The following ALDH7A1 variants were observed in gnomAD, a reference collection of about 807,000 sequenced individuals.
ALDH7A1 encodes alpha-aminoadipic semialdehyde dehydrogenase.
In ALDH7A1, 63 loss-of-function variants were observed where a neutral mutation model predicts 79.9. The observed-to-expected ratio is 0.79, with a 90% CI of 0.64 to 0.97. The LOEUF is 0.97. Ranked by LOEUF, ALDH7A1 falls within the 50% of genes least tolerant of loss-of-function variation. ALDH7A1 has a pLI of 0.00. For missense variants in ALDH7A1, 627 were observed against 665.2 expected (o/e 0.94, Z 0.63); for synonymous variants, 240 against 231.2 (o/e 1.04, Z -0.34).
chr5:126,568,766 T>A (rs568894955), intron 8 of ALDH7A1: 1 of 240,412 alleles, frequency 4.2e-6, no homozygotes, highest in Non-Finnish European at 8.3e-6. Flanking sequence ...ACCCCATCTC[T>A]ATAAAAAATA....
chr5:126,568,479 TC>T, intron 8 of ALDH7A1, 123 bp from the exon 9 acceptor site: 1 of 865,112 alleles, frequency 1.2e-6, no homozygotes, highest in East Asian at 2.4e-5. Context: ...AGAAAGTCTG[TC>T]CCAGGGGAGC....
chr5:126,592,875 T>C (rs1581406306), intron 2 of ALDH7A1, 146 bp from the exon 3 acceptor site: 1 of 847,862 alleles, frequency 1.2e-6, no homozygotes, highest in Non-Finnish European at 1.9e-6. Context: ...CCACAGTCTA[T>C]ACTTCCAAAA....
At chr5:126,573,268 G>C (rs1750841720) in intron 7 of ALDH7A1, among the ~76,000 whole-genome samples, 1 of 151,616 alleles carries the variant, frequency 6.6e-6, no homozygotes, top group African/African-American at 2.4e-5. Context: ...TGTTTTTTAG[G>C]TTTATTTTTA....
rs60217601 is a variant in ALDH7A1 at position 126,543,964 on chromosome 5, CTTTTTTTTTTT to C, written c.*990_*1000del. ...GGTTGTATAAAAAAATCCAGATGCA[CTTTTTTTTTTT>C]TTTTTTTTTGTAGACAGGATCTCAC... On this transcript the variant is annotated 3_prime_UTR_variant, in exon 18 of 18. Coordinates refer to ENST00000409134, the MANE Select transcript of ALDH7A1 (RefSeq NM_001182.5). The C allele has an allele frequency of 8.2e-6, 1 of 122,062 alleles. No individual in the cohort carries two copies. Among genetic ancestry groups the C allele is most frequent in the East Asian group, 2.3e-4 (1 of 4,274 alleles). The allele number at this position is 122,062 out of a possible 1,614,324, so 7.6% of individuals were successfully genotyped here. A position where few individuals can be genotyped will look rare whatever the true frequency, so the allele number is the denominator to read the frequency against.
At chr5:126,590,344 T>A (rs1239446932) in intron 3 of ALDH7A1, among the ~76,000 whole-genome samples, 2 of 152,258 alleles carry the variant, frequency 1.3e-5, no homozygotes, top group Non-Finnish European at 2.9e-5. Flanking sequence ...CAAGTTTGCA[T>A]TTTTGATGTT....
chr5:126,587,505 C>A (rs549785094), intron 3 of ALDH7A1: 2 of 151,766 alleles, frequency 1.3e-5, no homozygotes, highest in South Asian at 4.2e-4. Flanking sequence ...GTGGCGGGCA[C>A]CTGTAATCCC....
In ALDH7A1 at chr5:126,592,251, G is replaced by A. The variant is rs141145216; in HGVS notation, c.312+413C>T. 9.7e-3 allele frequency: 1,977 copies of A among 203,008 alleles called. 35 individuals are homozygous for A. Among genetic ancestry groups the A allele is most frequent in the African/African-American group, 0.032 (1,350 of 42,182 alleles). 12.6% of individuals were successfully genotyped at this position (203,008 alleles called of 1,614,324 possible). ...GATCTGCTGTTGTTCTTTAAACCAG[G>A]AATGCTGACCTATTGCTGAGATACT... On this transcript the variant is annotated intron_variant, in intron 3 of 17. Coordinates refer to ENST00000409134, the MANE Select transcript of ALDH7A1 (RefSeq NM_001182.5).
At chr5:126,570,661 T>C (rs1040605631) in intron 8 of ALDH7A1, 121 bp downstream of exon 8, 30 of 950,734 alleles carry the variant, frequency 3.2e-5, no homozygotes, top group Non-Finnish European at 4.6e-5. Flanking sequence ...ATAATAATAA[T>C]GATTTCAAAA....
intron 14 of ALDH7A1, 99 bp from the exon 15 acceptor site, chr5:126,550,392 A>G: frequency 1.1e-6 from 1 of 902,200 alleles, no homozygotes; most frequent in Non-Finnish European, 1.8e-6. Context: ...GTATAATTTC[A>G]GTGTACAAAA....
intron 9 of ALDH7A1, among the ~76,000 whole-genome samples, chr5:126,565,932 A>G (rs1223225582): frequency 6.6e-6 from 1 of 152,222 alleles, no homozygotes; most frequent in Non-Finnish European, 1.5e-5. Flanking sequence ...ATTCTATTCC[A>G]TTGATTTTTA....
Position 126,595,184 on chromosome 5 carries a change from A to G in ALDH7A1, c.15T>C (p.Pro5=). Residue 5 remains proline (P), a synonymous_variant, in exon 1 of 18, where the codon CCT becomes CCC. Coordinates refer to ENST00000409134, the MANE Select transcript of ALDH7A1 (RefSeq NM_001182.5). The part of the protein sequence containing the change: MWRL[P]RALCVHAAKT... ...TTGCAGCGTGCACACACAGCGCGCG[A>G]GGAAGGCGCCACATACTGAGCCCGG... The G allele has an allele frequency of 1.9e-6, 3 of 1,552,374 alleles. No individual in the cohort carries two copies. Among genetic ancestry groups the G allele is most frequent in the Non-Finnish European group, 2.6e-6 (3 of 1,147,296 alleles).
chr5:126,558,266 G>C (rs1199026176), intron 11 of ALDH7A1, among the ~76,000 whole-genome samples: 4 of 149,212 alleles, frequency 2.7e-5, no homozygotes, highest in African/African-American at 7.4e-5. Flanking sequence ...GAAAATCAAA[G>C]TTGTAACACA....
chr5:126,569,684 A>C (rs1461318260), intron 8 of ALDH7A1: 1 of 152,240 alleles, frequency 6.6e-6, no homozygotes, highest in Non-Finnish European at 1.5e-5. Flanking sequence ...AGAATGCAAG[A>C]ATACAGTCAA....
At chr5:126,557,518 G>A (rs1361246397) in intron 11 of ALDH7A1, among the ~76,000 whole-genome samples, 1 of 151,620 alleles carries the variant, frequency 6.6e-6, no homozygotes, top group Non-Finnish European at 1.5e-5. Context: ...ACCTGGAGGT[G>A]GAGGTTACGG....
At chr5:126,583,850 C>T in intron 4 of ALDH7A1, 82 bp downstream of exon 4, 2 of 1,159,638 alleles carry the variant, frequency 1.7e-6, no homozygotes, top group South Asian at 2.7e-5. Context: ...AAAAAAAAAA[C>T]CTCACAATTT....
intron 7 of ALDH7A1, 101 bp from the exon 8 acceptor site, chr5:126,570,960 C>T (rs752333922): frequency 3.0e-5 from 34 of 1,117,856 alleles, no homozygotes; most frequent in Admixed American, 1.8e-4. Context: ...TCAACTTTCT[C>T]TCCCATCCCT....
intron 3 of ALDH7A1, chr5:126,588,372 AG>A (rs1038396806): frequency 7.3e-5 from 11 of 151,612 alleles, no homozygotes; most frequent in African/African-American, 2.7e-4. Flanking sequence ...CCGGCTACTC[AG>A]GAAGATGAGG....
chr5:126,550,251 C>T lies in ALDH7A1; in HGVS notation c.1360G>A (p.Gly454Arg). 6.2e-7 allele frequency: 1 copy of T among 1,613,604 alleles called. No individual in the cohort carries two copies. Among genetic ancestry groups the T allele is most frequent in the Non-Finnish European group, 8.5e-7 (1 of 1,179,912 alleles). Reference sequence around the variant, plus strand: ...TTGGTAAAGATGCTACTTGAAAGTCCCTGTTTTACTTCATTATTCCATGCA... The same window carrying T: ...TTGGTAAAGATGCTACTTGAAAGTCTCTGTTTTACTTCATTATTCCATGCA... The part of the protein sequence containing the change: ...VFAWNNEVKQ[G>R]LSSSIFTKDL... Residue 454 changes from glycine (G) to arginine (R), a missense_variant, in exon 15 of 18, where the codon GGA becomes AGA. Transcript: ENST00000409134.
chr5:126,554,932 C>G, intron 12 of ALDH7A1: 1 of 193,380 alleles, frequency 5.2e-6, no homozygotes, highest in Non-Finnish European at 1.1e-5. Flanking sequence ...TGTAGGTAGG[C>G]CTCTATGAGG....
Sources: gnomAD v4.1 joint callset for allele counts (sites outside exome capture counted in the v4.1 genomes callset) on GRCh38, gnomAD v4.1.1 for gene constraint, MANE v1.5 for transcripts, NCBI Gene and HGNC (gene_info 2026-07-23, HGNC 2026-07-21) for gene names.